SLCO2B1: variants seen among roughly 807,000 people sequenced by gnomAD.
SLCO2B1 encodes the protein solute carrier organic anion transporter family member 2B1, also known as OATP-RP2.
Under a neutral mutation model 67.3 loss-of-function variants are expected in SLCO2B1, and 41 were observed. The ratio of observed to expected loss-of-function variants is 0.61; its 90% CI spans 0.47 to 0.79. The LOEUF (loss-of-function observed/expected upper bound fraction) is 0.79, where lower values mean the gene tolerates loss of function less well. Among genes scored for constraint, SLCO2B1 ranks in the 30% least tolerant of loss-of-function variants. The pLI is 0.00. For synonymous variants in SLCO2B1, 379 were observed against 381.4 expected, an observed-to-expected ratio of 0.99 and a Z score of 0.07; for missense variants, 837 against 920.1, an observed-to-expected ratio of 0.91 and a Z score of 1.17.
At chr11:75,165,754 TC>T in intron 3 of SLCO2B1, 32 bp from the exon 4 acceptor site, 1 of 1,611,268 alleles carries the variant, frequency 6.2e-7, no homozygotes, top group Non-Finnish European at 8.5e-7. Flanking sequence ...TGGGAACTGT[TC>T]CACCTTAATG....
chr11:75,196,261 G>A, intron 9 of SLCO2B1: 1 of 495,720 alleles, frequency 2.0e-6, no homozygotes, highest in East Asian at 3.5e-5. Context: ...CCTGTAGAAG[G>A]GTCACTGAGG....
Position 75,193,081 on chromosome 11 carries a change from T to C in SLCO2B1, c.1076-137T>C, listed in dbSNP as rs990952398. ...TGGAATGGAGTCAAGTGGGATAAAA[T>C]TGATTGCAATAGAATTAAGTGGAAT... On this transcript the variant is annotated intron_variant, in intron 8 of 13. Transcript: ENST00000289575. The surrounding 1 kb of genome is among the most constrained non-coding windows in gnomAD (Gnocchi z 4.2). 1.0e-4 allele frequency: 67 copies of C among 644,456 alleles called. 3 individuals are homozygous for C. The highest frequency in any genetic ancestry group is 7.9e-4 in the South Asian group (34 of 43,020). The allele number at this position is 644,456 out of a possible 1,614,324, so 39.9% of individuals were successfully genotyped here. A position where few individuals can be genotyped will look rare whatever the true frequency, so the allele number is the denominator to read the frequency against.
At chr11:75,199,182 G>A (rs997899053) in intron 10 of SLCO2B1, among the ~76,000 whole-genome samples, 1 of 152,060 alleles carries the variant, frequency 6.6e-6, no homozygotes, top group Admixed American at 6.5e-5. Context: ...TGCACTTAGG[G>A]GTCACACAGC....
At chr11:75,200,103 C>G in intron 10 of SLCO2B1, 121 bp from the exon 11 acceptor site, 1 of 1,051,862 alleles carries the variant, frequency 9.5e-7, no homozygotes, top group South Asian at 1.6e-5. Flanking sequence ...GACTCCCAGC[C>G]AGCTCTACCC....
chr11:75,200,148 T>A, intron 10 of SLCO2B1, 76 bp from the exon 11 acceptor site: 1 of 1,478,010 alleles, frequency 6.8e-7, no homozygotes, highest in Non-Finnish European at 9.2e-7. Context: ...CTCACAAGCC[T>A]TCCCCGCTGC....
intron 1 of SLCO2B1, among the ~76,000 whole-genome samples, chr11:75,152,750 C>G (rs1290575968): frequency 2.0e-5 from 3 of 152,166 alleles, no homozygotes; most frequent in Non-Finnish European, 4.4e-5. Flanking sequence ...ACCTTCCACA[C>G]AGACAGCAGG....
At chr11:75,162,873 T>C (rs1308040442) in intron 2 of SLCO2B1, 88 bp downstream of exon 2, 2 of 1,454,824 alleles carry the variant, frequency 1.4e-6, no homozygotes, top group African/African-American at 2.8e-5. Flanking sequence ...GAAGACTTTC[T>C]CTGAGCCTCG....
rs1945063870 is a variant in SLCO2B1, at chr11:75,193,891, G to T, written c.1433+316G>T. On this transcript the variant is annotated intron_variant, in intron 9 of 13. Coordinates refer to ENST00000289575, the MANE Select transcript of SLCO2B1 (RefSeq NM_007256.5). This position sits in a 1 kb window ranked among gnomAD's most constrained non-coding sequence, Gnocchi z 4.2. ...CATGTCCAGGGTGACCAAGCCCTGTGGGCCCAACAGAGATGAGCCAGAGGC... is the reference window on the plus strand; with the variant it reads ...CATGTCCAGGGTGACCAAGCCCTGTTGGCCCAACAGAGATGAGCCAGAGGC... 6.6e-6 allele frequency among the ~76,000 whole-genome samples: 1 copy of T among 152,182 alleles called. No homozygotes were observed. The highest frequency in any genetic ancestry group is 6.5e-5 in the Admixed American group (1 of 15,288).
chr11:75,185,641 C>T (rs982110217), intron 7 of SLCO2B1, among the ~76,000 whole-genome samples: 9 of 151,304 alleles, frequency 5.9e-5, no homozygotes, highest in African/African-American at 2.2e-4. Flanking sequence ...TCTCGGCTCT[C>T]ACACAAGAAA....
chr11:75,190,004 T>A (rs1267409916), intron 8 of SLCO2B1, among the ~76,000 whole-genome samples: 1 of 150,110 alleles, frequency 6.7e-6, no homozygotes, highest in African/African-American at 2.5e-5. Context: ...ATATCAGTAA[T>A]CTAGCCCCCA....
chr11:75,171,770 C>A (rs1256694742), intron 6 of SLCO2B1, among the ~76,000 whole-genome samples: 1 of 152,102 alleles, frequency 6.6e-6, no homozygotes. Flanking sequence ...ACCTTCCCAC[C>A]CCACTCTGTG....
At chr11:75,179,805 T>C (rs6592606) in intron 7 of SLCO2B1, among the ~76,000 whole-genome samples, 14,260 of 151,722 alleles carry the variant, frequency 0.094, 1,732 homozygotes, top group African/African-American at 0.29. Flanking sequence ...GGCACAATCT[T>C]GGCTCACTGC....
intron 11 of SLCO2B1, chr11:75,201,016 GTTTTTCC>G (rs1945172899): frequency 8.4e-6 from 1 of 119,618 alleles, no homozygotes; most frequent in Admixed American, 1.0e-4. Flanking sequence ...GAAAAAAATA[GTTTTTCC>G]TTTTTTTTTT....
chr11:75,195,630 C>T (rs1945087459), intron 9 of SLCO2B1, among the ~76,000 whole-genome samples: 1 of 152,144 alleles, frequency 6.6e-6, no homozygotes, highest in Non-Finnish European at 1.5e-5. Context: ...CCCAGCCTCA[C>T]TGATCATCCT....
At position 75,163,884 on chromosome 11, in the gene SLCO2B1, G is replaced by T. The variant is rs949706430; in HGVS notation, c.148-79G>T. Reference sequence around the variant, plus strand: ...CTCTGTTTCCCCATCTCTACTCCTTGCTGCTCCCTCTGCCTCCTTCTGCCT... The same window carrying T: ...CTCTGTTTCCCCATCTCTACTCCTTTCTGCTCCCTCTGCCTCCTTCTGCCT... On this transcript the variant is annotated intron_variant, in intron 2 of 13. Transcript: ENST00000289575. The T allele has an allele frequency of 6.7e-6, 10 of 1,485,468 alleles. No individual in the cohort carries two copies. The Admixed American group carries it at 2.0e-4, about 30-fold the overall frequency. 92.0% of individuals were successfully genotyped at this position (1,485,468 alleles called of 1,614,324 possible). A position where few individuals can be genotyped will look rare whatever the true frequency, so the allele number is the denominator to read the frequency against.
chr11:75,198,043 T>C (rs1419125332), intron 10 of SLCO2B1, among the ~76,000 whole-genome samples: 1 of 152,188 alleles, frequency 6.6e-6, no homozygotes, highest in Non-Finnish European at 1.5e-5. Flanking sequence ...CCCACCCTCA[T>C]GCTGGGCATC....
chr11:75,172,754 C>T (rs1016547915), intron 7 of SLCO2B1, among the ~76,000 whole-genome samples, 185 bp downstream of exon 7: 4 of 152,016 alleles, frequency 2.6e-5, no homozygotes, highest in Non-Finnish European at 4.4e-5. Context: ...ACGGTGAAAC[C>T]CCGTCTCTAC....
In SLCO2B1 at chr11:75,188,218, CTG is replaced by C. The variant is rs1159932966; in HGVS notation, c.1058_1059del (p.Val353AspfsTer5). 6.2e-7 allele frequency: 1 copy of C among 1,613,656 alleles called. No individual in the cohort carries two copies. The highest frequency in any genetic ancestry group is 8.5e-7 in the Non-Finnish European group (1 of 1,179,522). On this transcript the variant is annotated frameshift_variant, in exon 8 of 14. Transcript: ENST00000289575. LOFTEE classifies it high-confidence loss of function. ...CTAGTCCAGATTGCACCAAACCTGA[CTG>C]TGATCCAGTTCATTAAAGGTAAGTC...
At chr11:75,155,157 C>T (rs921849989) in intron 1 of SLCO2B1, among the ~76,000 whole-genome samples, 6 of 152,142 alleles carry the variant, frequency 3.9e-5, no homozygotes, top group Non-Finnish European at 5.9e-5. Flanking sequence ...CAAGAAACAA[C>T]AGCTGGAGTC....
Sources: allele counts gnomAD v4.1 joint callset (sites outside exome capture counted in the v4.1 genomes callset), GRCh38; gene constraint gnomAD v4.1.1; non-coding constraint Gnocchi (gnomAD v3.1); transcripts MANE v1.5; gene names NCBI Gene and HGNC (gene_info 2026-07-23, HGNC 2026-07-21).